FKBP9: variants seen among roughly 807,000 people sequenced by gnomAD.
FKBP9 encodes the protein peptidyl-prolyl cis-trans isomerase FKBP9.
A neutral mutation model predicts 55.6 loss-of-function variants in FKBP9; 27 were observed. The observed-to-expected ratio is 0.49, with a 90% CI of 0.36 to 0.67. The LOEUF is 0.67. Ranked by LOEUF, FKBP9 falls within the 30% of genes least tolerant of loss-of-function variation. The pLI, the probability that FKBP9 is intolerant of heterozygous loss-of-function variation, is 0.00. For missense variants in FKBP9, 539 were observed against 742.8 expected (o/e 0.73, Z 3.19); for synonymous variants, 267 against 296.5 (o/e 0.90, Z 1.02).
At chr7:32,973,235 T>C (rs1180390804) in intron 1 of FKBP9, among the ~76,000 whole-genome samples, 1 of 152,158 alleles carries the variant, frequency 6.6e-6, no homozygotes. Context: ...CCCCTGTTGA[T>C]TGCTAAATTT....
In FKBP9 at chr7:33,006,872, T is replaced by G. The variant is rs1252767476; in HGVS notation, c.*1521T>G. ...AGTTCATGAAAATGCTGTGCACTCA[T>G]TCCATGGAATAAATGTTGGAAAGCT... On this transcript the variant is annotated 3_prime_UTR_variant, in exon 10 of 10. Coordinates refer to ENST00000242209, the MANE Select transcript of FKBP9 (RefSeq NM_007270.5). 1.1e-5 allele frequency: 2 copies of G among 188,680 alleles called. No homozygotes were observed. The highest frequency in any genetic ancestry group is 1.7e-4 in the East Asian group (2 of 11,884). 11.7% of individuals were successfully genotyped at this position (188,680 alleles called of 1,614,324 possible).
At chr7:32,988,773 G>A (rs1784625941) in intron 6 of FKBP9, 121 bp downstream of exon 6, 2 of 959,096 alleles carry the variant, frequency 2.1e-6, no homozygotes, top group South Asian at 3.4e-5. Flanking sequence ...TGTTGAACAG[G>A]CTGGAAAGTG....
intron 5 of FKBP9, among the ~76,000 whole-genome samples, chr7:32,987,052 T>C (rs1784592516): frequency 6.6e-6 from 1 of 152,204 alleles, no homozygotes; most frequent in Non-Finnish European, 1.5e-5. Flanking sequence ...TGAGTGGACT[T>C]GGGGCTCCTG....
chr7:32,966,354 G>T (rs1230382209), intron 1 of FKBP9, among the ~76,000 whole-genome samples: 1 of 152,014 alleles, frequency 6.6e-6, no homozygotes, highest in Admixed American at 6.6e-5. Context: ...TCATCAGAGG[G>T]TGCTACAGAC....
chr7:32,965,866 T>TATATATATGTATACACATATATATATGC (rs70989913), intron 1 of FKBP9, among the ~76,000 whole-genome samples: 1 of 97,542 alleles, frequency 1.0e-5, no homozygotes, highest in African/African-American at 4.7e-5. Context: ...TATATATATA[T>TATATATATGTATACACATATATATATGC]ACATACATAT....
At chr7:32,996,120 G>T (rs2127988000) in intron 6 of FKBP9, 43 bp from the exon 7 acceptor site, 1 of 1,590,876 alleles carries the variant, frequency 6.3e-7, no homozygotes, top group South Asian at 1.1e-5. Context: ...ATGTGCTGCA[G>T]CCTGCAGGGG....
At chr7:32,964,293 G>A (rs13312706) in intron 1 of FKBP9, among the ~76,000 whole-genome samples, 1 of 152,140 alleles carries the variant, frequency 6.6e-6, no homozygotes, top group African/African-American at 2.4e-5. Flanking sequence ...GGGTCATTGC[G>A]AGCAATTACA....
chr7:33,003,796 G>A (rs1784976784), intron 9 of FKBP9, among the ~76,000 whole-genome samples: 1 of 152,242 alleles, frequency 6.6e-6, no homozygotes, highest in African/African-American at 2.4e-5. Context: ...AGTACCCCGG[G>A]CTAAGTCTTG....
Position 32,980,436 on chromosome 7 carries a change from G to A in FKBP9, c.776G>A (p.Ser259Asn), listed in dbSNP as rs777707964. 9 of 1,613,722 alleles carry A rather than the reference G, an allele frequency of 5.6e-6. No individual in the cohort carries two copies. Among genetic ancestry groups the A allele is most frequent in the East Asian group, 2.2e-5 (1 of 44,886 alleles). The change falls in exon 5 of 10, where the codon AGC (serine) becomes AAC (asparagine). Residue 259 changes from serine (S) to asparagine (N), a missense_variant. By Grantham distance (46) the Ser-to-Asn change is conservative (BLOSUM62 1). Around this residue, in one of 4 missense-constraint regions of FKBP9, gnomAD observed 172 missense variants for 205.3 expected, o/e 0.84. Transcript: ENST00000242209. ...ALLDLHNPKD[S>N]ISIENKVVPE... ...TTGGACCTCCATAACCCCAAGGACAGCATTTCCATTGAGAACAAGGTAGTA... is the reference window on the plus strand; with the variant it reads ...TTGGACCTCCATAACCCCAAGGACAACATTTCCATTGAGAACAAGGTAGTA...
At chr7:32,958,778 T>A (rs1279160754) in intron 1 of FKBP9, among the ~76,000 whole-genome samples, 1 of 152,216 alleles carries the variant, frequency 6.6e-6, no homozygotes, top group African/African-American at 2.4e-5. Context: ...TGCCTCAGGA[T>A]CACAGCACTG....
chr7:32,972,072 G>A (rs1784264095), intron 1 of FKBP9, among the ~76,000 whole-genome samples: 1 of 152,144 alleles, frequency 6.6e-6, no homozygotes, highest in Non-Finnish European at 1.5e-5. Flanking sequence ...CTGTGCTTGG[G>A]AGTCTTTGAA....
At chr7:32,985,128 C>T (rs1189432731) in intron 5 of FKBP9, among the ~76,000 whole-genome samples, 1 of 151,930 alleles carries the variant, frequency 6.6e-6, no homozygotes, top group East Asian at 1.9e-4. Context: ...GTCCCACCTC[C>T]CCTCTTCATA....
Position 32,976,451 on chromosome 7 carries a change from C to A in FKBP9, c.655C>A (p.Arg219Ser), listed in dbSNP as rs757765676. ...GCTGGGGATGTGTGTGGGTGAGAAGCGCATCATCACCATTCCTCCTTTTCT... is the reference window on the plus strand; with the variant it reads ...GCTGGGGATGTGTGTGGGTGAGAAGAGCATCATCACCATTCCTCCTTTTCT... Reference protein sequence around the residue: ...GLLGMCVGEKRIITIPPFLAY... With the variant: ...GLLGMCVGEKSIITIPPFLAY... The change falls in exon 4 of 10, where the codon CGC becomes AGC. Residue 219 changes from arginine to serine, a missense_variant. This residue lies in a region of FKBP9 where 29 missense variants were observed against 65.3 expected (regional missense o/e 0.44). Coordinates refer to ENST00000242209, the MANE Select transcript of FKBP9 (RefSeq NM_007270.5). 2 of 1,613,394 alleles carry A rather than the reference C, an allele frequency of 1.2e-6. No individual in the cohort carries two copies. The highest frequency in any genetic ancestry group is 1.7e-6 in the Non-Finnish European group (2 of 1,179,656).
rs112700943 is a variant in FKBP9 at position 32,957,544 on chromosome 7, T to C, written c.-30T>C. 902 of 1,383,192 alleles carry C rather than the reference T, an allele frequency of 6.5e-4. 4 individuals are homozygous for C. The African/African-American group carries it at 0.012, about 19-fold the overall frequency. The allele number at this position is 1,383,192 out of a possible 1,614,324, so 85.7% of individuals were successfully genotyped here. A position where few individuals can be genotyped will look rare whatever the true frequency, so the allele number is the denominator to read the frequency against. On this transcript the variant is annotated 5_prime_UTR_variant, in exon 1 of 10. Coordinates refer to ENST00000242209, the MANE Select transcript of FKBP9 (RefSeq NM_007270.5). ...GACCCGTGCCGCCCGAGCGCCGCGC[T>C]GCGTCCGCGCCACTCTTCTCGCCGC...
At chr7:32,977,801 ACT>A (rs1301190578) in intron 4 of FKBP9, among the ~76,000 whole-genome samples, 1,066 of 106,120 alleles carry the variant, frequency 0.01, 18 homozygotes, top group African/African-American at 0.039. Flanking sequence ...ATATATATAT[ACT>A]TATATATATA....
chr7:32,996,316 C>T lies in FKBP9; in HGVS notation c.1193C>T (p.Ala398Val). ...KGDYLKYHYN[A>V]SLLDGTLLDS... ...GATTACCTCAAATATCACTACAATG[C>T]CTCACTTCTGGATGGGACCCTGCTG... Residue 398 changes from alanine (A) to valine (V), a missense_variant, in exon 7 of 10, where the codon GCC becomes GTC. Ala to Val is a moderately conservative substitution (Grantham distance 64). This residue lies in a region of FKBP9 where 172 missense variants were observed against 205.3 expected (regional missense o/e 0.84). Transcript: ENST00000242209. 14 of 1,613,848 alleles carry T rather than the reference C, an allele frequency of 8.7e-6. No homozygotes were observed. The highest frequency in any genetic ancestry group is 1.2e-5 in the Non-Finnish European group (14 of 1,179,806).
At chr7:32,979,457 A>G (rs1176230430) in intron 4 of FKBP9, 2 of 1,459,442 alleles carry the variant, frequency 1.4e-6, no homozygotes, top group East Asian at 2.5e-5. Flanking sequence ...AGCAGATTTC[A>G]TCATTCCTTG....
At chr7:33,001,151 T>C (rs1389670653) in intron 8 of FKBP9, among the ~76,000 whole-genome samples, 1 of 152,184 alleles carries the variant, frequency 6.6e-6, no homozygotes, top group Non-Finnish European at 1.5e-5. Context: ...AGCTAACTGG[T>C]AACAATGATA....
At chr7:32,966,624 A>G (rs535945416) in intron 1 of FKBP9, among the ~76,000 whole-genome samples, 2 of 152,322 alleles carry the variant, frequency 1.3e-5, no homozygotes, top group South Asian at 4.1e-4. Context: ...CCATTCCTGC[A>G]TCACTGGAAA....
Sources: allele counts gnomAD v4.1 joint callset (sites outside exome capture counted in the v4.1 genomes callset), GRCh38; gene constraint gnomAD v4.1.1; regional missense constraint gnomAD v4.1.1; transcripts MANE v1.5; gene names NCBI Gene and HGNC (gene_info 2026-07-23, HGNC 2026-07-21).